The following CDKN2B-AS1 variants were observed in gnomAD, a reference collection of about 807,000 sequenced individuals.
CDKN2B-AS1 encodes the protein CDKN2B antisense RNA 1 (non-protein coding).
intron 4 of CDKN2B-AS1, among the ~76,000 whole-genome samples, chr9:22,092,116 G>C (rs890312811): frequency 1.3e-5 from 2 of 152,078 alleles, no homozygotes; most frequent in African/African-American, 2.4e-5. Context: ...TTATATGCTG[G>C]ATTATGTTTA....
chr9:22,118,981 C>T (rs1293391320), intron 4 of CDKN2B-AS1: 3 of 152,110 alleles, frequency 2.0e-5, no homozygotes, highest in Admixed American at 6.6e-5. Flanking sequence ...CTTAGGCAAT[C>T]GGGATCTTGC....
At chr9:22,126,379 A>G (rs2131379234) in intron 4 of CDKN2B-AS1, among the ~76,000 whole-genome samples, 1 of 152,310 alleles carries the variant, frequency 6.6e-6, no homozygotes, top group Admixed American at 6.5e-5. Context: ...ATTCTTTTGT[A>G]GGTTTATTTT....
chr9:22,102,622 AC>A (rs1340283608), intron 4 of CDKN2B-AS1, among the ~76,000 whole-genome samples: 10 of 152,038 alleles, frequency 6.6e-5, no homozygotes, highest in Admixed American at 3.3e-4. Context: ...ATGGCCTTCT[AC>A]TCTGCTCCTT....
chr9:22,020,275 C>G (rs201673739), intron 1 of CDKN2B-AS1, among the ~76,000 whole-genome samples: 11 of 152,150 alleles, frequency 7.2e-5, no homozygotes, highest in Non-Finnish European at 1.5e-4. Flanking sequence ...CAGTCTATCA[C>G]TGATGGGCAT....
At position 22,005,997 on chromosome 9, in the gene CDKN2B-AS1, G is replaced by A. The variant is rs1408792665; in HGVS notation, n.29+10836G>A. 1 of 1,602,578 alleles carries A rather than the reference G, an allele frequency of 6.2e-7. No homozygotes were observed. Among genetic ancestry groups the A allele is most frequent in the Non-Finnish European group, 8.5e-7 (1 of 1,179,768 alleles). ...CTGGGGAACCTGGCGTCAGTCCCCC[G>A]TGGCTGTGCGCAGGTACCCTGCAAC... On this transcript the variant is annotated intron_variant and non_coding_transcript_variant, in intron 1 of 4. Coordinates refer to ENST00000650946, the Ensembl canonical transcript of CDKN2B-AS1. This position sits in a 1 kb window ranked among gnomAD's most constrained non-coding sequence, Gnocchi z 4.9.
intron 4 of CDKN2B-AS1, among the ~76,000 whole-genome samples, chr9:22,082,264 ATGACAT>A (rs1301984741): frequency 6.6e-6 from 1 of 152,196 alleles, no homozygotes; most frequent in African/African-American, 2.4e-5. Flanking sequence ...GTGATATGTT[ATGACAT>A]TGTCATCACC....
At chr9:22,083,801 C>T (rs753773226) in intron 4 of CDKN2B-AS1, among the ~76,000 whole-genome samples, 15 of 152,198 alleles carry the variant, frequency 9.9e-5, no homozygotes, top group Middle Eastern at 3.4e-3. Flanking sequence ...TGGACTGGTC[C>T]TGTGGATTTA....
At chr9:22,016,171 A>G (rs1260871888) in intron 1 of CDKN2B-AS1, among the ~76,000 whole-genome samples, 2 of 152,080 alleles carry the variant, frequency 1.3e-5, no homozygotes, top group African/African-American at 4.8e-5. Context: ...GTCCTTGCCC[A>G]TGCCTATGTC....
At chr9:22,056,247 T>TTTTTTC (rs397743274) in intron 3 of CDKN2B-AS1, 8 of 132,684 alleles carry the variant, frequency 6.0e-5, no homozygotes, top group African/African-American at 1.1e-4. Flanking sequence ...TTTTTTTTTT[T>TTTTTTC]CCAGTAGAGA....
chr9:22,048,205 C>T (rs764232675), intron 2 of CDKN2B-AS1, among the ~76,000 whole-genome samples: 20 of 152,232 alleles, frequency 1.3e-4, no homozygotes, highest in Admixed American at 7.2e-4. Context: ...AATGTCTTTC[C>T]GTCCTAATCC....
intron 4 of CDKN2B-AS1, among the ~76,000 whole-genome samples, chr9:22,075,476 C>A (rs1003806704): frequency 1.3e-5 from 2 of 152,138 alleles, no homozygotes; most frequent in Admixed American, 1.3e-4. Context: ...CTTAACTGGG[C>A]TTCAAAGGAT....
intron 4 of CDKN2B-AS1, chr9:22,066,216 T>A (rs1824032145): frequency 1.4e-5 from 2 of 146,662 alleles, no homozygotes; most frequent in Admixed American, 6.7e-5. Flanking sequence ...AATTCTATTT[T>A]TTTTTTTTTA....
intron 4 of CDKN2B-AS1, among the ~76,000 whole-genome samples, chr9:22,087,461 T>G (rs1326125128): frequency 6.6e-6 from 1 of 152,214 alleles, no homozygotes; most frequent in Non-Finnish European, 1.5e-5. Context: ...AAAGATGCTT[T>G]TAGTTGTGTT....
At position 22,005,164 on chromosome 9, in the gene CDKN2B-AS1, C is replaced by T. The variant is rs1310422128; in HGVS notation, n.29+10003C>T. 4 of 231,258 alleles carry T rather than the reference C, an allele frequency of 1.7e-5. No homozygotes were observed. The highest frequency in any genetic ancestry group is 3.4e-5 in the Non-Finnish European group (4 of 117,598). 14.3% of individuals were successfully genotyped at this position (231,258 alleles called of 1,614,324 possible). On this transcript the variant is annotated intron_variant and non_coding_transcript_variant, in intron 1 of 4. Coordinates refer to ENST00000650946, the Ensembl canonical transcript of CDKN2B-AS1. The surrounding 1 kb of genome is among the most constrained non-coding windows in gnomAD (Gnocchi z 4.9). ...TGTGAAAGAAAACGTTACAGTTAAC[C>T]GTTACAATTGCTCTCACTCCACTCC... is the stretch of plus-strand genomic sequence containing the variant.
At chr9:22,088,445 A>G (rs980379311) in intron 4 of CDKN2B-AS1, among the ~76,000 whole-genome samples, 5 of 123,008 alleles carry the variant, frequency 4.1e-5, no homozygotes, top group Non-Finnish European at 7.8e-5. Flanking sequence ...GTGCAAGCAC[A>G]CACACACACA....
intron 1 of CDKN2B-AS1, among the ~76,000 whole-genome samples, chr9:22,029,164 C>T (rs917617274): frequency 6.6e-6 from 1 of 152,062 alleles, no homozygotes; most frequent in South Asian, 2.1e-4. Flanking sequence ...ATATTTTGAT[C>T]CCCTTCCCCA....
At chr9:22,071,284 GCT>G (rs1824277296) in intron 4 of CDKN2B-AS1, among the ~76,000 whole-genome samples, 2 of 77,496 alleles carry the variant, frequency 2.6e-5, no homozygotes, top group African/African-American at 1.2e-4. Context: ...GAAATATCTA[GCT>G]TTTTTTTTTT....
intron 4 of CDKN2B-AS1, among the ~76,000 whole-genome samples, chr9:22,105,115 C>T (rs960169653): frequency 6.6e-6 from 1 of 152,194 alleles, no homozygotes; most frequent in South Asian, 2.1e-4. Context: ...GCAACAGCTA[C>T]ACTGACTCTT....
chr9:22,114,551 A>G (rs189598147), intron 4 of CDKN2B-AS1, among the ~76,000 whole-genome samples: 85 of 152,338 alleles, frequency 5.6e-4, no homozygotes, highest in African/African-American at 1.9e-3. Flanking sequence ...TTCAATTCTA[A>G]GAACGTTTTG....
Sources: gnomAD v4.1 joint callset for allele counts (sites outside exome capture counted in the v4.1 genomes callset) on GRCh38, gnomAD v4.1.1 for gene constraint, Gnocchi (gnomAD v3.1) non-coding constraint, MANE v1.5 for transcripts, NCBI Gene and HGNC (gene_info 2026-07-23, HGNC 2026-07-21) for gene names.